The following RBFOX1 variants were observed in gnomAD, a reference collection of about 807,000 sequenced individuals.
The protein encoded by RBFOX1 is RNA binding protein fox-1 homolog 1.
In RBFOX1, 8 loss-of-function variants were observed where a neutral mutation model predicts 57.7. The observed-to-expected ratio is 0.14, with a 90% confidence interval of 0.08 to 0.25. The LOEUF (loss-of-function observed/expected upper bound fraction) is 0.25, where lower values mean the gene tolerates loss of function less well. RBFOX1 is among the 10% of genes least tolerant of loss of function. The pLI is 1.00. For synonymous variants in RBFOX1, 326 were observed against 222.4 expected (o/e 1.47, Z -4.15); for missense variants, 611 against 548.5 (o/e 1.11, Z -1.14).
At chr16:6,810,219 A>G (rs1314610372) in intron 3 of RBFOX1, among the ~76,000 whole-genome samples, 3 of 152,100 alleles carry the variant, frequency 2.0e-5, no homozygotes, top group Non-Finnish European at 4.4e-5. Context: ...TATCCAGAAA[A>G]TGTCCATCCC....
At chr16:6,197,994 C>G (rs745335869) in intron 1 of RBFOX1, among the ~76,000 whole-genome samples, 1 of 152,140 alleles carries the variant, frequency 6.6e-6, no homozygotes, top group African/African-American at 2.4e-5. Context: ...TGTGGCTTTT[C>G]TAACACATTG....
At chr16:6,923,530 C>A (rs1281882858) in intron 3 of RBFOX1, among the ~76,000 whole-genome samples, 1 of 151,966 alleles carries the variant, frequency 6.6e-6, no homozygotes, top group Non-Finnish European at 1.5e-5. Context: ...AAGACTCCAT[C>A]TCAAAAATAA....
chr16:7,342,322 A>G (rs73563888), intron 4 of RBFOX1, among the ~76,000 whole-genome samples: 4,576 of 152,174 alleles, frequency 0.03, 181 homozygotes, highest in African/African-American at 0.091. Flanking sequence ...CTTCCAACTC[A>G]GATCTTCCCA....
chr16:6,472,039 A>AC (rs1025923195), intron 2 of RBFOX1, among the ~76,000 whole-genome samples: 20 of 151,764 alleles, frequency 1.3e-4, no homozygotes, highest in African/African-American at 4.8e-4. Flanking sequence ...TTTTCCCATC[A>AC]CCCCCCATTC....
chr16:7,195,635 G>A (rs890229600), intron 4 of RBFOX1, among the ~76,000 whole-genome samples: 1 of 152,142 alleles, frequency 6.6e-6, no homozygotes, highest in Non-Finnish European at 1.5e-5. Flanking sequence ...TCAACTCACT[G>A]CAACCTCCAC....
intron 3 of RBFOX1, among the ~76,000 whole-genome samples, chr16:5,792,366 C>A (rs1323114049): frequency 6.6e-6 from 1 of 152,206 alleles, no homozygotes; most frequent in Non-Finnish European, 1.5e-5. Flanking sequence ...TTAGGGGCAC[C>A]TTAGCCCAGT....
intron 3 of RBFOX1, among the ~76,000 whole-genome samples, chr16:5,668,935 G>A (rs1567372854): frequency 6.6e-6 from 1 of 152,086 alleles, no homozygotes; most frequent in Non-Finnish European, 1.5e-5. Context: ...TTGGTTAGGG[G>A]GAGCATTGCT....
At chr16:5,679,335 T>TC (rs1183369941) in intron 3 of RBFOX1, among the ~76,000 whole-genome samples, 3 of 132,780 alleles carry the variant, frequency 2.3e-5, no homozygotes, top group East Asian at 2.0e-4. Context: ...ATTCTCTCTC[T>TC]TTTTTTTTTT....
intron 3 of RBFOX1, among the ~76,000 whole-genome samples, chr16:5,824,936 G>A (rs2055982793): frequency 6.6e-6 from 1 of 152,166 alleles, no homozygotes; most frequent in African/African-American, 2.4e-5. Context: ...TTGTGAGTGG[G>A]CTCTGTCCAT....
At chr16:7,288,174 G>C (rs2095687856) in intron 4 of RBFOX1, among the ~76,000 whole-genome samples, 1 of 152,180 alleles carries the variant, frequency 6.6e-6, no homozygotes, top group Non-Finnish European at 1.5e-5. Flanking sequence ...CCCTGGGGAA[G>C]CGGCACCTAC....
chr16:6,825,449 A>C (rs1382954683), intron 3 of RBFOX1, among the ~76,000 whole-genome samples: 1 of 152,168 alleles, frequency 6.6e-6, no homozygotes, highest in Admixed American at 6.5e-5. Flanking sequence ...AGGGAAAGGA[A>C]AAATAACGAC....
chr16:6,863,872 T>C (rs1272505101), intron 3 of RBFOX1, among the ~76,000 whole-genome samples: 1 of 151,736 alleles, frequency 6.6e-6, no homozygotes, highest in Non-Finnish European at 1.5e-5. Context: ...TTTACTGGTA[T>C]TTTGAATGTT....
At chr16:5,659,093 A>C (rs1378688276) in intron 3 of RBFOX1, among the ~76,000 whole-genome samples, 1 of 151,962 alleles carries the variant, frequency 6.6e-6, no homozygotes, top group South Asian at 2.1e-4. Context: ...ACTGTTTTCC[A>C]TAGTGGTTGT....
Position 6,755,449 on chromosome 16 carries a change from G to T in RBFOX1, c.-16+100799G>T, listed in dbSNP as rs1034208748. Among the ~76,000 whole-genome samples the T allele has an allele frequency of 3.9e-5, 6 of 152,106 alleles. No homozygotes were observed. In the East Asian group the frequency reaches 1.2e-3, roughly 29 times the overall value. On this transcript the variant is annotated intron_variant, in intron 3 of 15. Coordinates refer to ENST00000550418, the MANE Select transcript of RBFOX1 (RefSeq NM_018723.4). ...GGTTTTGATTTGCATTTCTCTGATG[G>T]CCAGTGATGGTGAGCATTTTTTCAT...
intron 9 of RBFOX1, among the ~76,000 whole-genome samples, chr16:7,600,847 C>T (rs902654490): frequency 1.3e-5 from 2 of 151,904 alleles, no homozygotes; most frequent in Non-Finnish European, 2.9e-5. Flanking sequence ...AGATACTATT[C>T]TCAGGATATT....
At chr16:5,640,731 C>T (rs2048836839) in intron 3 of RBFOX1, among the ~76,000 whole-genome samples, 1 of 149,504 alleles carries the variant, frequency 6.7e-6, no homozygotes, top group South Asian at 2.1e-4. Flanking sequence ...TGCATAGAAA[C>T]CCATGCACAT....
At chr16:7,255,291 C>G (rs1439081243) in intron 4 of RBFOX1, among the ~76,000 whole-genome samples, 1 of 152,158 alleles carries the variant, frequency 6.6e-6, no homozygotes, top group Non-Finnish European at 1.5e-5. Flanking sequence ...TATTTCCATT[C>G]TATCACACTG....
chr16:6,481,137 C>T (rs1280781923), intron 2 of RBFOX1, among the ~76,000 whole-genome samples: 1 of 152,194 alleles, frequency 6.6e-6, no homozygotes, highest in African/African-American at 2.4e-5. Flanking sequence ...TATCAGTTTA[C>T]AGTGCTCATG....
At chr16:6,093,001 C>T (rs2096198444) in intron 1 of RBFOX1, 2 of 152,086 alleles carry the variant, frequency 1.3e-5, no homozygotes, top group African/African-American at 4.8e-5. Flanking sequence ...ATCTATACAC[C>T]AAAACCATGT....
Sources: allele counts gnomAD v4.1 joint callset (sites outside exome capture counted in the v4.1 genomes callset), GRCh38; gene constraint gnomAD v4.1.1; transcripts MANE v1.5; gene names NCBI Gene and HGNC (gene_info 2026-07-23, HGNC 2026-07-21).